KDM8: variants seen among roughly 807,000 people sequenced by gnomAD.
KDM8 encodes lysine demethylase 8.
Under a neutral mutation model 46.9 loss-of-function variants are expected in KDM8, and 35 were observed. The observed-to-expected ratio is 0.75, with a 90% CI of 0.57 to 0.99. The LOEUF (loss-of-function observed/expected upper bound fraction) is 0.99, where lower values mean the gene tolerates loss of function less well. Ranked by LOEUF, KDM8 falls within the 50% of genes least tolerant of loss-of-function variation. KDM8 has a pLI of 0.00. For synonymous variants in KDM8, 232 were observed against 227.7 expected (o/e 1.02, Z -0.17); for missense variants, 475 against 537.0 (o/e 0.88, Z 1.14).
chr16:27,215,125 CTG>C (rs2083535789), intron 4 of KDM8, 117 bp downstream of exon 4: 2 of 1,246,002 alleles, frequency 1.6e-6, no homozygotes, highest in African/African-American at 1.5e-5. Flanking sequence ...GGCTGTAAGT[CTG>C]TGGTCGGAGG....
Position 27,214,958 on chromosome 16 carries a change from C to G in KDM8, c.748C>G (p.Gln250Glu), listed in dbSNP as rs759044472. 3 of 1,614,154 alleles carry G rather than the reference C, an allele frequency of 1.9e-6. No homozygotes were observed. In the South Asian group the frequency reaches 3.3e-5, roughly 18 times the overall value. Residue 250 changes from glutamine (Q) to glutamate (E), a missense_variant, in exon 4 of 8, where the codon CAG (glutamine) becomes GAG (glutamate). Coordinates refer to ENST00000286096, the MANE Select transcript of KDM8 (RefSeq NM_024773.3). ...GAGGTACACAGATGAGGAATGGTCC[C>G]AGACCCTCATGACGGTCAACGAGTT... ...GSRYTDEEWS[Q>E]TLMTVNEFIS...
At chr16:27,216,291 G>C (rs1404530163) in intron 5 of KDM8, among the ~76,000 whole-genome samples, 1 of 152,156 alleles carries the variant, frequency 6.6e-6, no homozygotes. Flanking sequence ...CTGGCAGGTG[G>C]AGCAGTTCAA....
chr16:27,213,968 C>G (rs2083517386), intron 3 of KDM8: 2 of 513,216 alleles, frequency 3.9e-6, no homozygotes, highest in East Asian at 6.6e-5. Context: ...CCTTGCTCGC[C>G]TTAAGCGGTT....
At chr16:27,220,540 A>G (rs1298353567) in intron 7 of KDM8, 26 bp from the exon 8 acceptor site, 2 of 1,613,938 alleles carry the variant, frequency 1.2e-6, no homozygotes, top group Non-Finnish European at 1.7e-6. Flanking sequence ...GCCCCTGGAG[A>G]TGATGACGTC....
At chr16:27,206,271 GCT>G in intron 1 of KDM8, 1 of 945,330 alleles carries the variant, frequency 1.1e-6, no homozygotes, top group Non-Finnish European at 1.3e-6. Flanking sequence ...GTGTGCGTGT[GCT>G]TTTTTTTTTT....
At chr16:27,211,825 C>G (rs760942919) in intron 2 of KDM8, 1 of 152,122 alleles carries the variant, frequency 6.6e-6, no homozygotes, top group Admixed American at 6.5e-5. Context: ...ATTATAGGCA[C>G]CCACCACCAC....
intron 3 of KDM8, 40 bp from the exon 4 acceptor site, chr16:27,214,836 A>G: frequency 3.1e-6 from 5 of 1,612,494 alleles, no homozygotes; most frequent in Non-Finnish European, 4.2e-6. Context: ...TGCCCAACAG[A>G]TATTAGCAGT....
At chr16:27,204,343 G>A (rs1163766265) in intron 1 of KDM8, 2 of 1,353,518 alleles carry the variant, frequency 1.5e-6, no homozygotes, top group East Asian at 6.1e-5. Flanking sequence ...CGCAGGCGTT[G>A]GGGCCACACG....
intron 1 of KDM8, among the ~76,000 whole-genome samples, chr16:27,209,578 A>T (rs1192663784): frequency 6.6e-6 from 1 of 152,066 alleles, no homozygotes; most frequent in African/African-American, 2.4e-5. Context: ...CATGAGGCAG[A>T]CTCTGCTTTT....
chr16:27,214,833 C>T (rs1237175840), intron 3 of KDM8, 43 bp from the exon 4 acceptor site: 1 of 1,610,934 alleles, frequency 6.2e-7, no homozygotes, highest in Non-Finnish European at 8.5e-7. Context: ...CTATGCCCAA[C>T]AGATATTAGC....
In KDM8 at chr16:27,214,659, C is replaced by T. The variant is rs2140971044; in HGVS notation, c.666-217C>T. 5.9e-6 allele frequency: 3 copies of T among 509,184 alleles called. No homozygotes were observed. In the East Asian group the frequency reaches 9.0e-5, roughly 15 times the overall value. The allele number at this position is 509,184 out of a possible 1,614,324, so 31.5% of individuals were successfully genotyped here. A position where few individuals can be genotyped will look rare whatever the true frequency, so the allele number is the denominator to read the frequency against. ...AGCCAACCAGACTTACCGGCCCTGT[C>T]TGCAAAGCTGCACAGCACTGTGTAT... On this transcript the variant is annotated intron_variant, in intron 3 of 7. Transcript: ENST00000286096.
intron 1 of KDM8, among the ~76,000 whole-genome samples, chr16:27,207,137 G>A (rs2083436446): frequency 6.6e-6 from 1 of 152,216 alleles, no homozygotes; most frequent in South Asian, 2.1e-4. Flanking sequence ...GCCGGGCGTG[G>A]TGGCTCACAC....
At chr16:27,209,334 C>T (rs2083457834) in intron 1 of KDM8, among the ~76,000 whole-genome samples, 1 of 152,198 alleles carries the variant, frequency 6.6e-6, no homozygotes, top group African/African-American at 2.4e-5. Flanking sequence ...TAAGTGATCC[C>T]ACCACCTTTA....
intron 1 of KDM8, chr16:27,206,165 C>T (rs2083426485): frequency 2.1e-6 from 2 of 948,204 alleles, no homozygotes; most frequent in Admixed American, 1.2e-4. Context: ...AAGACTGCTT[C>T]ACACATCTTT....
At chr16:27,216,259 T>C (rs1014316244) in intron 5 of KDM8, 1 of 542,382 alleles carries the variant, frequency 1.8e-6, no homozygotes, top group Non-Finnish European at 3.3e-6. Flanking sequence ...GGGCTATTGC[T>C]GTGGTGCAAG....
At chr16:27,204,070 G>T (rs1156305297) in intron 1 of KDM8, 1 of 1,546,346 alleles carries the variant, frequency 6.5e-7, no homozygotes, top group Non-Finnish European at 8.7e-7. Flanking sequence ...GGCTGGAAAC[G>T]ATTCCGCCGT....
At chr16:27,214,559 T>G in intron 3 of KDM8, 1 of 304,894 alleles carries the variant, frequency 3.3e-6, no homozygotes, top group East Asian at 6.1e-5. Flanking sequence ...TGTTCAAAGG[T>G]TTCTCAGCTT....
intron 6 of KDM8, 110 bp downstream of exon 6, chr16:27,219,220 A>T: frequency 8.2e-7 from 1 of 1,215,790 alleles, no homozygotes; most frequent in Non-Finnish European, 1.1e-6. Flanking sequence ...AACAAGAAGC[A>T]CTGAAGGGGA....
intron 6 of KDM8, among the ~76,000 whole-genome samples, chr16:27,219,882 C>T (rs1048196254): frequency 6.6e-6 from 1 of 152,178 alleles, no homozygotes; most frequent in Non-Finnish European, 1.5e-5. Flanking sequence ...ATTGTGGGCT[C>T]CAAAAATGAA....
Sources: gnomAD v4.1 joint callset for allele counts (sites outside exome capture counted in the v4.1 genomes callset) on GRCh38, gnomAD v4.1.1 for gene constraint, MANE v1.5 for transcripts, NCBI Gene and HGNC (gene_info 2026-07-23, HGNC 2026-07-21) for gene names.